Variants in PLXNA2 observed in about 807,000 individuals in gnomAD.
The protein encoded by PLXNA2 is plexin A2.
PLXNA2 carries 91 observed loss-of-function variants against 193.5 expected under a neutral mutation model. The observed-to-expected ratio is 0.47, with a 90% confidence interval of 0.40 to 0.56. PLXNA2 has a LOEUF of 0.56. PLXNA2 is among the 20% of genes least tolerant of loss of function. The pLI, the probability that PLXNA2 is intolerant of heterozygous loss-of-function variation, is 0.00. For synonymous variants in PLXNA2, 997 were observed against 1,027.3 expected (o/e 0.97, Z 0.56); for missense variants, 1,995 against 2,503.2 (o/e 0.80, Z 4.33).
intron 3 of PLXNA2, among the ~76,000 whole-genome samples, chr1:208,164,006 G>A (rs1166273671): frequency 6.6e-6 from 1 of 152,218 alleles, no homozygotes; most frequent in African/African-American, 2.4e-5. Flanking sequence ...GAAGGCAGGT[G>A]TATTCATGTG....
chr1:208,238,671 G>A (rs1671944237), intron 1 of PLXNA2, among the ~76,000 whole-genome samples: 1 of 152,192 alleles, frequency 6.6e-6, no homozygotes. Flanking sequence ...CAGAGAATAT[G>A]AAGAAAAAGA....
At chr1:208,149,782 T>A (rs1394756117) in intron 3 of PLXNA2, among the ~76,000 whole-genome samples, 1 of 152,114 alleles carries the variant, frequency 6.6e-6, no homozygotes, top group Non-Finnish European at 1.5e-5. Context: ...AAGTCTTTGG[T>A]AAATTCTGTC....
At chr1:208,128,654 C>T (rs1281531863) in intron 4 of PLXNA2, among the ~76,000 whole-genome samples, 1 of 150,888 alleles carries the variant, frequency 6.6e-6, no homozygotes, top group African/African-American at 2.4e-5. Flanking sequence ...TCCCCCTCCT[C>T]TCTTTCTTCC....
At chr1:208,158,544 C>T (rs1669008372) in intron 3 of PLXNA2, among the ~76,000 whole-genome samples, 1 of 152,194 alleles carries the variant, frequency 6.6e-6, no homozygotes, top group Admixed American at 6.5e-5. Flanking sequence ...TGTGCCCAAA[C>T]CTGGACTTTC....
intron 2 of PLXNA2, among the ~76,000 whole-genome samples, chr1:208,215,352 A>C (rs1671091872): frequency 6.6e-6 from 1 of 152,148 alleles, no homozygotes; most frequent in South Asian, 2.1e-4. Flanking sequence ...AGGCATTCAG[A>C]AGATCTTCAA....
intron 9 of PLXNA2, among the ~76,000 whole-genome samples, chr1:208,092,369 TG>T (rs1666744912): frequency 6.6e-6 from 1 of 152,200 alleles, no homozygotes; most frequent in African/African-American, 2.4e-5. Flanking sequence ...GAAGAGAAGT[TG>T]GCATGAAAGA....
intron 9 of PLXNA2, among the ~76,000 whole-genome samples, chr1:208,092,557 C>T (rs1440419394): frequency 6.6e-6 from 1 of 152,228 alleles, no homozygotes; most frequent in African/African-American, 2.4e-5. Context: ...CTTTTGAATG[C>T]ATAGAGTCTT....
At chr1:208,152,839 T>C (rs1668813955) in intron 3 of PLXNA2, among the ~76,000 whole-genome samples, 1 of 151,640 alleles carries the variant, frequency 6.6e-6, no homozygotes, top group Non-Finnish European at 1.5e-5. Context: ...TTTTTCGTCT[T>C]CACGCCTTTG....
chr1:208,219,532 AT>A (rs1387050903), intron 1 of PLXNA2, among the ~76,000 whole-genome samples: 1 of 150,982 alleles, frequency 6.6e-6, no homozygotes, highest in East Asian at 2.0e-4. Context: ...CACCCGAAGG[AT>A]GGAGAGTTTG....
rs553920166 is a variant in PLXNA2 at position 208,048,925 on chromosome 1, C to T, written c.3255+2084G>A. ...CCTGTGAGCGTGCCTTTCATATGCA[C>T]GAACCAATCCAGACCCCACAGCTCA... On this transcript the variant is annotated intron_variant, in intron 17 of 31. Transcript: ENST00000367033. 7.4e-4 allele frequency among the ~76,000 whole-genome samples: 112 copies of T among 152,320 alleles called. 1 individual carries two copies. The highest frequency in any genetic ancestry group is 5.4e-3 in the Admixed American group (83 of 15,306).
chr1:208,215,258 A>C (rs1039352226), intron 2 of PLXNA2, among the ~76,000 whole-genome samples: 9 of 152,154 alleles, frequency 5.9e-5, no homozygotes, highest in African/African-American at 1.9e-4. Context: ...AGCCTGCCAA[A>C]GTGCTGGGAG....
chr1:208,109,566 C>A (rs969740115), intron 4 of PLXNA2, among the ~76,000 whole-genome samples: 40 of 152,166 alleles, frequency 2.6e-4, no homozygotes, highest in Admixed American at 2.2e-3. Flanking sequence ...GCACAACTCC[C>A]CAGAGAGGAA....
chr1:208,231,617 G>A (rs577904007), intron 1 of PLXNA2, among the ~76,000 whole-genome samples: 19 of 152,244 alleles, frequency 1.2e-4, no homozygotes, highest in Non-Finnish European at 2.5e-4. Flanking sequence ...ACTGTAATAC[G>A]AACAAGTATT....
chr1:208,106,410 A>G lies in PLXNA2; in HGVS notation c.1507-3163T>C, dbSNP rs72739500. Among the ~76,000 whole-genome samples the G allele has an allele frequency of 4.5e-3, 680 of 152,374 alleles. 4 individuals carry two copies. Among genetic ancestry groups the G allele is most frequent in the Non-Finnish European group, 7.7e-3 (522 of 68,032 alleles). On this transcript the variant is annotated intron_variant, in intron 4 of 31. Transcript: ENST00000367033. ...ACACAACTAGCACCTTCAAGTTGCGAACAGGCTAGCAATAAAAAGAAGAAA... is the reference window on the plus strand; with the variant it reads ...ACACAACTAGCACCTTCAAGTTGCGGACAGGCTAGCAATAAAAAGAAGAAA...
At chr1:208,238,143 C>T (rs1339208330) in intron 1 of PLXNA2, among the ~76,000 whole-genome samples, 1 of 152,158 alleles carries the variant, frequency 6.6e-6, no homozygotes, top group Non-Finnish European at 1.5e-5. Flanking sequence ...CTGTCAGAAG[C>T]TTCCGTCCTC....
In PLXNA2 at chr1:208,217,702, G is replaced by T. The variant is rs766481422; in HGVS notation, c.221C>A (p.Thr74Lys). ...AGCCACCTGGATGGTCAGGTTGCCT[G>T]TCAGCTTATAGACCCGGTTGATGGC... ...VGAINRVYKLTGNLTIQVAHK... is the reference protein window; with the variant it reads ...VGAINRVYKLKGNLTIQVAHK... Residue 74 changes from threonine (T) to lysine (K), a missense_variant, in exon 2 of 32, where the codon ACA becomes AAA. Coordinates refer to ENST00000367033, the MANE Select transcript of PLXNA2 (RefSeq NM_025179.4). This position sits in a 1 kb window ranked among gnomAD's most constrained non-coding sequence, Gnocchi z 4.7. 1 of 1,614,220 alleles carries T rather than the reference G, an allele frequency of 6.2e-7. No homozygotes were observed.
Position 208,051,269 on chromosome 1 carries a change from A to T in PLXNA2, c.3148T>A (p.Trp1050Arg). ...CTTCCACCTCACCTGGCAATGCTCC[A>T]CTCTGGCTCGATGCGCTGGACCCGA... ...DPRVQRIEPE[W>R]SIASGHTPLT... The change falls in exon 16 of 32, where the codon TGG becomes AGG. Residue 1050 changes from tryptophan to arginine, a missense_variant. Transcript: ENST00000367033. 1 of 1,609,160 alleles carries T rather than the reference A, an allele frequency of 6.2e-7. No individual in the cohort carries two copies. Among genetic ancestry groups the T allele is most frequent in the Non-Finnish European group, 8.5e-7 (1 of 1,177,080 alleles).
At chr1:208,065,012 G>A (rs1665745655) in intron 12 of PLXNA2, among the ~76,000 whole-genome samples, 1 of 152,126 alleles carries the variant, frequency 6.6e-6, no homozygotes. Flanking sequence ...TTTCTACATG[G>A]ATCTATAGAG....
chr1:208,050,803 T>G (rs1405851716), intron 17 of PLXNA2, among the ~76,000 whole-genome samples: 1 of 152,012 alleles, frequency 6.6e-6, no homozygotes, highest in Non-Finnish European at 1.5e-5. Context: ...CACTCCAGCC[T>G]AGGTGACAGG....
Sources: allele counts gnomAD v4.1 joint callset (sites outside exome capture counted in the v4.1 genomes callset), GRCh38; gene constraint gnomAD v4.1.1; non-coding constraint Gnocchi (gnomAD v3.1); transcripts MANE v1.5; gene names NCBI Gene and HGNC (gene_info 2026-07-23, HGNC 2026-07-21).